The following STAT3 variants were observed in gnomAD, a reference collection of about 807,000 sequenced individuals.
The protein encoded by STAT3 is DNA-binding protein APRF.
STAT3 carries 7 observed loss-of-function variants against 114.3 expected under a neutral mutation model. That is an observed-to-expected ratio of 0.06 (90% CI 0.03 to 0.11). STAT3 has a LOEUF of 0.11. Ranked by LOEUF, STAT3 falls within the 10% of genes least tolerant of loss-of-function variation. The probability of loss-of-function intolerance (pLI) is 1.00; values close to 1 mark genes in which losing one functional copy is unlikely to be tolerated. For missense variants in STAT3, 364 were observed against 960.9 expected (o/e 0.38, Z 8.21); for synonymous variants, 331 against 354.5 (o/e 0.93, Z 0.74).
rs397857989 is a variant in STAT3 at position 42,313,379 on chromosome 17, CAAAAAAAAAAAAAA to C, written c.*2352_*2365del. On this transcript the variant is annotated 3_prime_UTR_variant, in exon 24 of 24. Coordinates refer to ENST00000264657, the MANE Select transcript of STAT3 (RefSeq NM_139276.3). ...AGTTAAAGTAGATACAGCAATATAC[CAAAAAAAAAAAAAA>C]AAAAAAAAGACAAAAAACCTCACAA... The C allele has an allele frequency of 1.2e-5, 1 of 83,024 alleles. No homozygotes were observed. Among genetic ancestry groups the C allele is most frequent in the African/African-American group, 6.2e-5 (1 of 16,104 alleles). 5.1% of individuals were successfully genotyped at this position (83,024 alleles called of 1,614,324 possible). A position where few individuals can be genotyped will look rare whatever the true frequency, so the allele number is the denominator to read the frequency against.
At chr17:42,379,186 A>T (rs1212397899) in intron 1 of STAT3, among the ~76,000 whole-genome samples, 1 of 152,174 alleles carries the variant, frequency 6.6e-6, no homozygotes, top group Non-Finnish European at 1.5e-5. Context: ...TAGGGAAGCC[A>T]AGCCGTTTAT....
At chr17:42,327,107 A>G (rs1035814033) in intron 14 of STAT3, among the ~76,000 whole-genome samples, 6 of 152,224 alleles carry the variant, frequency 3.9e-5, no homozygotes, top group Admixed American at 3.9e-4. Flanking sequence ...TACGTAAGGC[A>G]CAAAGAATAA....
chr17:42,343,002 CAAAA>C (rs757011535), intron 4 of STAT3, among the ~76,000 whole-genome samples: 2 of 115,568 alleles, frequency 1.7e-5, no homozygotes, highest in Non-Finnish European at 3.8e-5. Flanking sequence ...CCATCTCTAC[CAAAA>C]AAAAAAAAAA....
Position 42,337,164 on chromosome 17 carries a change from T to C in STAT3, c.797+271A>G, listed in dbSNP as rs117511874. 1.3e-4 allele frequency among the ~76,000 whole-genome samples: 20 copies of C among 152,112 alleles called. No homozygotes were observed. The highest frequency in any genetic ancestry group is 2.5e-4 in the Non-Finnish European group (17 of 68,006). ...CCGGCTAATTTTTTTATGTTTTTAGTAGAGATGTGTTTTCACCATGTTGGC... is the reference window on the plus strand; with the variant it reads ...CCGGCTAATTTTTTTATGTTTTTAGCAGAGATGTGTTTTCACCATGTTGGC... On this transcript the variant is annotated intron_variant, in intron 8 of 23. Transcript: ENST00000264657. The surrounding 1 kb of genome is among the most constrained non-coding windows in gnomAD (Gnocchi z 4.0).
chr17:42,313,813 G>C lies in STAT3; in HGVS notation c.*1932C>G, dbSNP rs1445504210. The C allele has an allele frequency of 4.3e-6, 1 of 233,026 alleles. No individual in the cohort carries two copies. Among genetic ancestry groups the C allele is most frequent in the African/African-American group, 2.2e-5 (1 of 45,300 alleles). The allele number at this position is 233,026 out of a possible 1,614,324, so 14.4% of individuals were successfully genotyped here. A position where few individuals can be genotyped will look rare whatever the true frequency, so the allele number is the denominator to read the frequency against. On this transcript the variant is annotated 3_prime_UTR_variant, in exon 24 of 24. Coordinates refer to ENST00000264657, the MANE Select transcript of STAT3 (RefSeq NM_139276.3). ...AGTTAAGCTTATTATGTACTGAAGA[G>C]TGTTGCTGGAGAAGTAAGAGCTCTG... is the stretch of plus-strand genomic sequence containing the variant.
In STAT3 at chr17:42,337,334, C is replaced by A. The variant is rs2082270474; in HGVS notation, c.797+101G>T. On this transcript the variant is annotated intron_variant, in intron 8 of 23. Transcript: ENST00000264657. The surrounding 1 kb of genome is among the most constrained non-coding windows in gnomAD (Gnocchi z 4.0). Reference sequence around the variant, plus strand: ...GGCTAAATTTGAATATGGAAAAGTCCCCACGTTGGAGATATAGTACCAATT... The same window carrying A: ...GGCTAAATTTGAATATGGAAAAGTCACCACGTTGGAGATATAGTACCAATT... 5 of 1,502,272 alleles carry A rather than the reference C, an allele frequency of 3.3e-6. No homozygotes were observed. The highest frequency in any genetic ancestry group is 2.2e-5 in the Admixed American group (1 of 46,032). The allele number at this position is 1,502,272 out of a possible 1,614,324, so 93.1% of individuals were successfully genotyped here.
At chr17:42,388,045 C>G in intron 1 of STAT3, 1 of 465,612 alleles carries the variant, frequency 2.1e-6, no homozygotes, top group Non-Finnish European at 3.4e-6. Flanking sequence ...CCCTCGAGCG[C>G]GTTCTGTTTC....
chr17:42,380,573 C>CCG (rs571524982), intron 1 of STAT3, among the ~76,000 whole-genome samples: 10 of 146,806 alleles, frequency 6.8e-5, no homozygotes, highest in African/African-American at 2.5e-4. Flanking sequence ...TTAGTAGAGA[C>CCG]GGGGGGGGTC....
At chr17:42,355,380 T>G (rs1237877440) in intron 1 of STAT3, among the ~76,000 whole-genome samples, 1 of 152,184 alleles carries the variant, frequency 6.6e-6, no homozygotes, top group Non-Finnish European at 1.5e-5. Flanking sequence ...GAGGAACAAC[T>G]TGAGTGCCAA....
chr17:42,345,332 T>G, intron 4 of STAT3: 3 of 525,508 alleles, frequency 5.7e-6, no homozygotes, highest in Admixed American at 3.6e-5. Context: ...AACCATTGGG[T>G]CTGTTGGATT....
intron 1 of STAT3, among the ~76,000 whole-genome samples, chr17:42,356,545 T>A (rs1265333901): frequency 2.0e-5 from 3 of 149,756 alleles, no homozygotes; most frequent in Non-Finnish European, 3.0e-5. Flanking sequence ...ATATATTTTT[T>A]TTTTTTTACA....
chr17:42,334,068 A>T lies in STAT3; in HGVS notation c.798-19T>A, dbSNP rs1424289999. On this transcript the variant is annotated intron_variant, in intron 8 of 23. Transcript: ENST00000264657. The stretch of plus-strand genomic sequence containing the variant: ...CGTTATCCTGCCAATAAATTAAGAA[A>T]GATGCTAATTACCAAAGTGAATGTA... 6.2e-7 allele frequency: 1 copy of T among 1,613,922 alleles called. No homozygotes were observed. The highest frequency in any genetic ancestry group is 8.5e-7 in the Non-Finnish European group (1 of 1,180,026).
intron 10 of STAT3, among the ~76,000 whole-genome samples, chr17:42,332,177 T>C (rs942727510): frequency 7.3e-5 from 11 of 151,100 alleles, no homozygotes; most frequent in Non-Finnish European, 1.3e-4. Flanking sequence ...TCCACCCACC[T>C]TGGCCTCCCA....
At chr17:42,357,029 C>G (rs2083262379) in intron 1 of STAT3, among the ~76,000 whole-genome samples, 1 of 152,114 alleles carries the variant, frequency 6.6e-6, no homozygotes, top group Non-Finnish European at 1.5e-5. Flanking sequence ...CTGAGGTGAT[C>G]TGCCTGCCTC....
At position 42,365,843 on chromosome 17, in the gene STAT3, A is replaced by G. The variant is rs1490829908; in HGVS notation, c.-23-17304T>C. On this transcript the variant is annotated intron_variant, in intron 1 of 23. Transcript: ENST00000264657. Reference sequence around the variant, plus strand: ...GCTAATTTTTGTATTTTCAGTAGAGACAGGGTTTCACCATATTGGCCAGGC... The same window carrying G: ...GCTAATTTTTGTATTTTCAGTAGAGGCAGGGTTTCACCATATTGGCCAGGC... Among the ~76,000 whole-genome samples, 3 of 151,872 alleles carry G rather than the reference A, an allele frequency of 2.0e-5. No individual in the cohort carries two copies. The East Asian group carries it at 5.8e-4, about 29-fold the overall frequency.
chr17:42,370,772 T>TTTA (rs1452736342), intron 1 of STAT3, among the ~76,000 whole-genome samples: 1 of 150,136 alleles, frequency 6.7e-6, no homozygotes, highest in Non-Finnish European at 1.5e-5. Context: ...CCAGCTAATT[T>TTTA]TTTTTTTTTT....
chr17:42,352,055 T>A (rs1206487660), intron 1 of STAT3, among the ~76,000 whole-genome samples: 2 of 151,998 alleles, frequency 1.3e-5, no homozygotes, highest in Non-Finnish European at 2.9e-5. Flanking sequence ...AATTTAAAAA[T>A]GTAGGCTGGG....
At chr17:42,316,145 G>A in intron 23 of STAT3, 1 of 1,189,446 alleles carries the variant, frequency 8.4e-7, no homozygotes, top group Non-Finnish European at 1.1e-6. Context: ...TGTCCAAACT[G>A]AGCTGTGCTG....
intron 11 of STAT3, among the ~76,000 whole-genome samples, chr17:42,330,752 G>A (rs1263579361): frequency 6.6e-6 from 1 of 151,960 alleles, no homozygotes; most frequent in South Asian, 2.1e-4. Flanking sequence ...TTCTAATGTC[G>A]TCAAAGGGTA....
Sources: allele counts gnomAD v4.1 joint callset (sites outside exome capture counted in the v4.1 genomes callset), GRCh38; gene constraint gnomAD v4.1.1; non-coding constraint Gnocchi (gnomAD v3.1); transcripts MANE v1.5; gene names NCBI Gene and HGNC (gene_info 2026-07-23, HGNC 2026-07-21).